The following ERBB4 variants were observed in gnomAD, a reference collection of about 807,000 sequenced individuals.
The protein encoded by ERBB4 is erb-b2 receptor tyrosine kinase 4, also known as receptor tyrosine-protein kinase erbB-4.
ERBB4 carries 42 observed loss-of-function variants against 158.0 expected under a neutral mutation model. That is an observed-to-expected ratio of 0.27 (90% CI 0.21 to 0.34). ERBB4 has a LOEUF of 0.34. Among genes scored for constraint, ERBB4 ranks in the 10% least tolerant of loss-of-function variants. The probability of loss-of-function intolerance (pLI) is 1.00; values close to 1 mark genes in which losing one functional copy is unlikely to be tolerated. For synonymous variants in ERBB4, 583 were observed against 558.7 expected, an observed-to-expected ratio of 1.04 and a Z score of -0.61; for missense variants, 1,333 against 1,624.1, an observed-to-expected ratio of 0.82 and a Z score of 3.08.
intron 1 of ERBB4, among the ~76,000 whole-genome samples, chr2:212,298,107 C>A (rs1339569177): frequency 6.6e-6 from 1 of 151,604 alleles, no homozygotes; most frequent in East Asian, 1.9e-4. Flanking sequence ...TTCTTTTTAA[C>A]AAGAATCTTT....
intron 2 of ERBB4, among the ~76,000 whole-genome samples, chr2:211,997,297 C>T (rs12991396): frequency 0.25 from 37,881 of 151,840 alleles, 4,983 homozygotes; most frequent in Admixed American, 0.32. Flanking sequence ...TCCTCAACTT[C>T]TATTATGTTT....
chr2:211,997,325 C>T (rs561894650), intron 2 of ERBB4, among the ~76,000 whole-genome samples: 1 of 152,028 alleles, frequency 6.6e-6, no homozygotes, highest in South Asian at 2.1e-4. Flanking sequence ...TAAACATTCT[C>T]TAAACCCTCT....
intron 3 of ERBB4, among the ~76,000 whole-genome samples, chr2:211,812,530 T>G (rs1435988554): frequency 6.6e-6 from 1 of 152,184 alleles, no homozygotes; most frequent in Non-Finnish European, 1.5e-5. Flanking sequence ...CTGTCCATTC[T>G]CCAAGCTCAA....
intron 2 of ERBB4, among the ~76,000 whole-genome samples, chr2:212,072,622 T>G (rs186613605): frequency 6.6e-6 from 1 of 152,120 alleles, no homozygotes; most frequent in East Asian, 1.9e-4. Flanking sequence ...TGGAGAACTG[T>G]TTTCGATCTA....
rs753428508 is a variant in ERBB4, at chr2:211,947,527, T to C, written c.324A>G (p.Thr108=). 2 of 1,613,768 alleles carry C rather than the reference T, an allele frequency of 1.2e-6. No homozygotes were observed. The highest frequency in any genetic ancestry group is 1.3e-5 in the African/African-American group (1 of 74,908). The change falls in exon 3 of 28, where the codon ACA becomes ACG. Residue 108 remains threonine (T), a synonymous_variant. Coordinates refer to ENST00000342788, the MANE Select transcript of ERBB4 (RefSeq NM_005235.3). ...AGGCATATCGATCCTCATAAAGTTT[T>C]GTCCCACGAATAATGCGTAAATTCT... The part of the protein sequence containing the change: ...PLENLRIIRG[T]KLYEDRYALA...
rs564009098 is a variant in ERBB4 at position 212,061,939 on chromosome 2, T to C, written c.234+62813A>G. Reference sequence around the variant, plus strand: ...TGGTACAGACAGGGTTTCTCCATGTTGGTCAGACTGGTCTTGAACTCCTGA... The same window carrying C: ...TGGTACAGACAGGGTTTCTCCATGTCGGTCAGACTGGTCTTGAACTCCTGA... On this transcript the variant is annotated intron_variant, in intron 2 of 27. Coordinates refer to ENST00000342788, the MANE Select transcript of ERBB4 (RefSeq NM_005235.3). 1.1e-4 allele frequency among the ~76,000 whole-genome samples: 16 copies of C among 152,076 alleles called. No individual in the cohort carries two copies. The South Asian group carries it at 2.9e-3, about 28-fold the overall frequency.
rs149159869 is a variant in ERBB4 at position 211,469,688 on chromosome 2, GT to G, written c.2488-38589del. Reference sequence around the variant, plus strand: ...TATAAAATTTGCATTGACAAACTAGGTGTTAACTGAAATCCTTGTCATAACT... The same window carrying G: ...TATAAAATTTGCATTGACAAACTAGGGTTAACTGAAATCCTTGTCATAACT... On this transcript the variant is annotated intron_variant, in intron 20 of 27. Coordinates refer to ENST00000342788, the MANE Select transcript of ERBB4 (RefSeq NM_005235.3). 7.1e-3 allele frequency among the ~76,000 whole-genome samples: 1,088 copies of G among 152,216 alleles called. 14 individuals carry two copies. Among genetic ancestry groups the G allele is most frequent in the African/African-American group, 0.024 (1,010 of 41,538 alleles).
chr2:212,514,910 A>G lies in ERBB4; in HGVS notation c.82+23539T>C, dbSNP rs73069035. 8.7e-3 allele frequency among the ~76,000 whole-genome samples: 1,323 copies of G among 152,290 alleles called. 10 individuals carry two copies. The highest frequency in any genetic ancestry group is 0.029 in the African/African-American group (1,197 of 41,562). On this transcript the variant is annotated intron_variant, in intron 1 of 27. Coordinates refer to ENST00000342788, the MANE Select transcript of ERBB4 (RefSeq NM_005235.3). Reference sequence around the variant, plus strand: ...ACAACATGGAGTCGGTCACAAATACATATTATTGCAAACATTTCATTAATT... The same window carrying G: ...ACAACATGGAGTCGGTCACAAATACGTATTATTGCAAACATTTCATTAATT...
intron 20 of ERBB4, among the ~76,000 whole-genome samples, chr2:211,542,427 C>T (rs1972144): frequency 0.33 from 50,566 of 151,794 alleles, 9,919 homozygotes; most frequent in East Asian, 0.65. Context: ...CCTCTGCTTT[C>T]CCCGTTAGTT....
intron 2 of ERBB4, among the ~76,000 whole-genome samples, chr2:211,965,503 C>G (rs2081288339): frequency 1.3e-5 from 2 of 152,124 alleles, no homozygotes; most frequent in Admixed American, 1.3e-4. Flanking sequence ...AGTAACATCT[C>G]CACTTTCTTC....
intron 12 of ERBB4, among the ~76,000 whole-genome samples, chr2:211,696,157 C>A (rs111442476): frequency 2.5e-4 from 38 of 151,246 alleles, no homozygotes; most frequent in African/African-American, 9.0e-4. Flanking sequence ...GTTGCCCAGG[C>A]TGAAGTGCAA....
chr2:212,525,278 C>G (rs1436522751), intron 1 of ERBB4, among the ~76,000 whole-genome samples: 1 of 151,744 alleles, frequency 6.6e-6, no homozygotes, highest in African/African-American at 2.4e-5. Flanking sequence ...TGACTGGTTA[C>G]AAAATCAAAG....
chr2:211,892,647 A>G (rs1014652164), intron 3 of ERBB4, among the ~76,000 whole-genome samples: 1 of 145,882 alleles, frequency 6.9e-6, no homozygotes, highest in South Asian at 2.1e-4. Context: ...ACGTGATTGT[A>G]TATCTAGAAA....
At chr2:212,058,595 A>C (rs948106833) in intron 2 of ERBB4, among the ~76,000 whole-genome samples, 2 of 152,182 alleles carry the variant, frequency 1.3e-5, no homozygotes, top group Admixed American at 1.3e-4. Context: ...ATCCACCATG[A>C]TCAAGTGGGC....
intron 1 of ERBB4, among the ~76,000 whole-genome samples, chr2:212,236,450 A>G (rs6755951): frequency 0.48 from 72,540 of 152,000 alleles, 17,727 homozygotes; most frequent in East Asian, 0.76. Context: ...GTCTCTGCCA[A>G]GTTTTGGTAT....
intron 4 of ERBB4, among the ~76,000 whole-genome samples, chr2:211,770,048 C>T (rs1265794613): frequency 6.6e-6 from 1 of 152,196 alleles, no homozygotes; most frequent in Non-Finnish European, 1.5e-5. Flanking sequence ...AAATTTAACT[C>T]AGTTTTACCA....
At chr2:212,034,564 G>T (rs773235583) in intron 2 of ERBB4, among the ~76,000 whole-genome samples, 23 of 152,020 alleles carry the variant, frequency 1.5e-4, no homozygotes, top group Non-Finnish European at 2.6e-4. Flanking sequence ...GCTCCTAAGT[G>T]ATCAAAATTA....
At position 212,171,324 on chromosome 2, in the gene ERBB4, G is replaced by GTTT. The variant is rs59021730; in HGVS notation, c.83-46424_83-46422dup. On this transcript the variant is annotated intron_variant, in intron 1 of 27. Transcript: ENST00000342788. The stretch of plus-strand genomic sequence containing the variant: ...ATTGTATCTTGGAAGTAACTAACTT[G>GTTT]TTTTTTTTTTAATTATTTTACAGGC... Among the ~76,000 whole-genome samples the GTTT allele has an allele frequency of 9.2e-4, 138 of 149,632 alleles. 2 individuals carry two copies. The highest frequency in any genetic ancestry group is 5.5e-3 in the South Asian group (26 of 4,724).
rs141495968 is a variant in ERBB4, at chr2:211,747,450, G to C, written c.622+3189C>G. 7.8e-4 allele frequency among the ~76,000 whole-genome samples: 119 copies of C among 152,176 alleles called. 2 individuals are homozygous for C. In the East Asian group the frequency reaches 0.021, roughly 27 times the overall value. On this transcript the variant is annotated intron_variant, in intron 5 of 27. Coordinates refer to ENST00000342788, the MANE Select transcript of ERBB4 (RefSeq NM_005235.3). ...ACTGCCCTGTGAAGTAAAGGGTAAA[G>C]TGTCCCATAAAACAAACATGGCTAC...
Sources: gnomAD v4.1 joint callset for allele counts (sites outside exome capture counted in the v4.1 genomes callset) on GRCh38, gnomAD v4.1.1 for gene constraint, MANE v1.5 for transcripts, NCBI Gene and HGNC (gene_info 2026-07-23, HGNC 2026-07-21) for gene names.